The following SEC23B variants were observed in gnomAD, a reference collection of about 807,000 sequenced individuals.
SEC23B encodes protein transport protein Sec23B.
In SEC23B, 77 loss-of-function variants were observed where a neutral mutation model predicts 104.3. The ratio of observed to expected loss-of-function variants is 0.74; its 90% confidence interval spans 0.61 to 0.89. SEC23B has a LOEUF of 0.89. Ranked by LOEUF, SEC23B falls within the 40% of genes least tolerant of loss-of-function variation. The pLI is 0.00. For missense variants in SEC23B, 885 were observed against 949.4 expected (o/e 0.93, Z 0.89); for synonymous variants, 338 against 332.5 (o/e 1.02, Z -0.18).
chr20:18,533,858 A>G lies in SEC23B; in HGVS notation c.1314+1114A>G, dbSNP rs76676871. Among the ~76,000 whole-genome samples, 82 of 152,274 alleles carry G rather than the reference A, an allele frequency of 5.4e-4. 2 individuals carry two copies. In the East Asian group the frequency reaches 0.015, roughly 28 times the overall value. ...TTGGAAGGCTGCCTTGTTATAAAAT[A>G]TTTTTCATGGACTTAAAATCTGCCT... On this transcript the variant is annotated intron_variant, in intron 11 of 19. Transcript: ENST00000650089.
intron 15 of SEC23B, among the ~76,000 whole-genome samples, chr20:18,546,902 A>G (rs1401799347): frequency 2.5e-5 from 2 of 80,176 alleles, no homozygotes; most frequent in East Asian, 4.1e-4. Context: ...AGTGGTTTGC[A>G]GTTTTTTTTT....
At chr20:18,525,570 C>T (rs1306741089) in intron 6 of SEC23B, among the ~76,000 whole-genome samples, 2 of 151,854 alleles carry the variant, frequency 1.3e-5, no homozygotes, top group East Asian at 3.9e-4. Flanking sequence ...TTTTTCCGTG[C>T]AACATAAGTA....
At chr20:18,548,801 A>G in intron 16 of SEC23B, 31 bp downstream of exon 16, 1 of 1,606,278 alleles carries the variant, frequency 6.2e-7, no homozygotes, top group Non-Finnish European at 8.5e-7. Context: ...TTTCCTGAGG[A>G]TTGGAATCAC....
At chr20:18,533,583 T>TG (rs1835240462) in intron 11 of SEC23B, among the ~76,000 whole-genome samples, 1 of 152,184 alleles carries the variant, frequency 6.6e-6, no homozygotes, top group African/African-American at 2.4e-5. Context: ...TTAAATGAGT[T>TG]GGTTCAGGTG....
intron 4 of SEC23B, among the ~76,000 whole-genome samples, chr20:18,517,628 G>GAT (rs1258401992): frequency 6.6e-6 from 1 of 152,132 alleles, no homozygotes; most frequent in Non-Finnish European, 1.5e-5. Flanking sequence ...TTTTGGGGGT[G>GAT]ATATGGAGAG....
rs77726618 is a variant in SEC23B, at chr20:18,509,362, C to T, written c.-15+1390C>T. On this transcript the variant is annotated intron_variant, in intron 1 of 19. Coordinates refer to ENST00000650089, the MANE Select transcript of SEC23B (RefSeq NM_006363.6). ...GTATGGTACTTCCCAAAATAACAGA[C>T]AGTTGTTATCCATATTCAGGAAGTG... Among the ~76,000 whole-genome samples the T allele has an allele frequency of 4.0e-3, 616 of 152,292 alleles. 1 individual carries two copies. The highest frequency in any genetic ancestry group is 0.014 in the Middle Eastern group (4 of 294).
At chr20:18,554,818 C>A (rs1269993677) in intron 18 of SEC23B, among the ~76,000 whole-genome samples, 1 of 121,096 alleles carries the variant, frequency 8.3e-6, no homozygotes, top group Non-Finnish European at 1.9e-5. Flanking sequence ...CAGAGTGAGA[C>A]TCCGTCTCAA....
chr20:18,513,821 A>G (rs563856636), intron 3 of SEC23B, among the ~76,000 whole-genome samples: 1 of 152,362 alleles, frequency 6.6e-6, no homozygotes, highest in African/African-American at 2.4e-5. Context: ...AGGGTAGCAT[A>G]GTGGCTAAAG....
In SEC23B at chr20:18,526,387, C is replaced by G. The variant is rs543300931; in HGVS notation, c.849C>G (p.Asn283Lys). ...CGCTATTTTAGGGCACTTTTCCAAA[C>G]ACAGGAGCCAGGATCATGCTGTTTA... is the stretch of plus-strand genomic sequence containing the variant. ...AVGLLEGTFP[N>K]TGARIMLFTG... The change falls in exon 8 of 20, where the codon AAC (asparagine) becomes AAG (lysine). Residue 283 changes from asparagine to lysine, a missense_variant. Transcript: ENST00000650089. 1.2e-6 allele frequency: 2 copies of G among 1,614,118 alleles called. No individual in the cohort carries two copies. Among genetic ancestry groups the G allele is most frequent in the South Asian group, 1.1e-5 (1 of 91,074 alleles).
intron 11 of SEC23B, among the ~76,000 whole-genome samples, chr20:18,534,106 C>A (rs1287147244): frequency 6.6e-6 from 1 of 152,086 alleles, no homozygotes; most frequent in South Asian, 2.1e-4. Context: ...GTCTTGTTTG[C>A]CACATTTGCT....
chr20:18,544,004 C>T (rs2060311288), intron 14 of SEC23B, among the ~76,000 whole-genome samples: 1 of 152,182 alleles, frequency 6.6e-6, no homozygotes, highest in Non-Finnish European at 1.5e-5. Context: ...TGAATGAGCA[C>T]TCGGGCGCCC....
chr20:18,533,859 T>C (rs1455587674), intron 11 of SEC23B, among the ~76,000 whole-genome samples: 1 of 152,208 alleles, frequency 6.6e-6, no homozygotes, highest in Non-Finnish European at 1.5e-5. Context: ...TTATAAAATA[T>C]TTTTCATGGA....
chr20:18,558,753 T>A (rs2060464736), intron 19 of SEC23B, among the ~76,000 whole-genome samples: 1 of 152,238 alleles, frequency 6.6e-6, no homozygotes, highest in African/African-American at 2.4e-5. Flanking sequence ...TGACTTCCAC[T>A]TCTTTCCTGG....
intron 11 of SEC23B, among the ~76,000 whole-genome samples, chr20:18,533,396 T>G (rs2060202841): frequency 6.6e-6 from 1 of 152,204 alleles, no homozygotes; most frequent in Non-Finnish European, 1.5e-5. Context: ...AGTCATGTTC[T>G]TCCCTCATTG....
chr20:18,531,837 C>G (rs777990174), intron 10 of SEC23B, among the ~76,000 whole-genome samples: 19 of 151,604 alleles, frequency 1.3e-4, no homozygotes, highest in Non-Finnish European at 2.2e-4. Flanking sequence ...ATTGCATGAG[C>G]TTTGGAATTA....
intron 12 of SEC23B, among the ~76,000 whole-genome samples, chr20:18,538,935 A>C (rs2060261350): frequency 6.6e-6 from 1 of 151,268 alleles, no homozygotes; most frequent in Non-Finnish European, 1.5e-5. Context: ...GCCGGGTGTG[A>C]TGGCTCCCGC....
At chr20:18,556,386 C>G (rs977418714) in intron 19 of SEC23B, among the ~76,000 whole-genome samples, 1 of 152,182 alleles carries the variant, frequency 6.6e-6, no homozygotes, top group East Asian at 1.9e-4. Context: ...ACCATTCCCC[C>G]ACAGATACTG....
chr20:18,554,460 A>G, intron 18 of SEC23B, 70 bp downstream of exon 18: 1 of 1,518,526 alleles, frequency 6.6e-7, no homozygotes, highest in Non-Finnish European at 9.2e-7. Flanking sequence ...TATACATCTA[A>G]ACAGGATGGT....
intron 11 of SEC23B, among the ~76,000 whole-genome samples, chr20:18,534,157 C>CT (rs1178758551): frequency 4.0e-5 from 6 of 151,506 alleles, no homozygotes; most frequent in South Asian, 4.2e-4. Context: ...GATTTATCAA[C>CT]TTTTTTTTTG....
Sources: allele counts gnomAD v4.1 joint callset (sites outside exome capture counted in the v4.1 genomes callset), GRCh38; gene constraint gnomAD v4.1.1; transcripts MANE v1.5; gene names NCBI Gene and HGNC (gene_info 2026-07-23, HGNC 2026-07-21).